The following LRP1B variants were observed in gnomAD, a reference collection of about 807,000 sequenced individuals.
LRP1B encodes the protein low-density lipoprotein receptor-related protein 1B.
Under a neutral mutation model 556.6 loss-of-function variants are expected in LRP1B, and 217 were observed. The observed-to-expected ratio is 0.39, with a 90% CI of 0.35 to 0.44. LRP1B has a LOEUF of 0.44. Among genes scored for constraint, LRP1B ranks in the 20% least tolerant of loss-of-function variants. LRP1B has a pLI of 1.00. For synonymous variants in LRP1B, 2,047 were observed against 1,865.8 expected (o/e 1.10, Z -2.50); for missense variants, 5,053 against 5,620.8 (o/e 0.90, Z 3.23).
chr2:141,178,793 C>A (rs6741156), intron 7 of LRP1B, among the ~76,000 whole-genome samples: 72,198 of 151,778 alleles, frequency 0.48, 18,630 homozygotes, highest in Middle Eastern at 0.64. Context: ...GCAGAGTATT[C>A]CAAGGCCCTA....
intron 43 of LRP1B, among the ~76,000 whole-genome samples, chr2:140,544,462 C>T (rs527490805): frequency 2.4e-4 from 36 of 152,134 alleles, no homozygotes; most frequent in African/African-American, 7.0e-4. Context: ...TCCTGATCCT[C>T]TCGCTCCTCT....
At chr2:141,777,048 G>A (rs1251548875) in intron 2 of LRP1B, among the ~76,000 whole-genome samples, 1 of 152,140 alleles carries the variant, frequency 6.6e-6, no homozygotes, top group Non-Finnish European at 1.5e-5. Flanking sequence ...TAACTTTTCT[G>A]ATAAATAAAG....
At chr2:141,454,566 T>C (rs1032869059) in intron 3 of LRP1B, among the ~76,000 whole-genome samples, 5 of 82,530 alleles carry the variant, frequency 6.1e-5, no homozygotes, top group Non-Finnish European at 1.2e-4. Flanking sequence ...ACCGAACAAA[T>C]GAAACATCAT....
intron 2 of LRP1B, among the ~76,000 whole-genome samples, chr2:141,588,248 T>A (rs1033063363): frequency 8.6e-5 from 13 of 151,938 alleles, no homozygotes; most frequent in Non-Finnish European, 1.8e-4. Flanking sequence ...CTGGCAGCTT[T>A]TTTTTTTATC....
chr2:140,872,428 G>T (rs573096241), intron 25 of LRP1B, among the ~76,000 whole-genome samples: 1 of 118,970 alleles, frequency 8.4e-6, no homozygotes, highest in Admixed American at 1.1e-4. Context: ...TCTTGGTTTT[G>T]TAAGGAAGAG....
intron 41 of LRP1B, among the ~76,000 whole-genome samples, chr2:140,639,492 C>T (rs1168511039): frequency 6.6e-6 from 1 of 152,184 alleles, no homozygotes; most frequent in Non-Finnish European, 1.5e-5. Flanking sequence ...ATTTGAATGT[C>T]ACTGACAGTT....
chr2:141,240,946 A>G (rs1034575570), intron 5 of LRP1B, among the ~76,000 whole-genome samples: 2 of 152,132 alleles, frequency 1.3e-5, no homozygotes, highest in African/African-American at 2.4e-5. Flanking sequence ...TCTGCTATCA[A>G]TCTTGCAACT....
intron 7 of LRP1B, among the ~76,000 whole-genome samples, chr2:141,164,460 T>C (rs1680165816): frequency 6.6e-6 from 1 of 152,112 alleles, no homozygotes; most frequent in Admixed American, 6.6e-5. Context: ...TGTTACTGTC[T>C]ATAATTCTCA....
At chr2:140,908,720 A>G (rs1694333538) in intron 21 of LRP1B, among the ~76,000 whole-genome samples, 1 of 152,152 alleles carries the variant, frequency 6.6e-6, no homozygotes, top group Non-Finnish European at 1.5e-5. Context: ...TTTCTAGAAG[A>G]AAAAAATAAT....
chr2:141,665,119 T>G (rs539088974), intron 2 of LRP1B, among the ~76,000 whole-genome samples: 2 of 152,242 alleles, frequency 1.3e-5, no homozygotes, highest in East Asian at 3.9e-4. Context: ...GATTCCCTAT[T>G]TAATAAATGG....
chr2:141,539,140 T>C (rs190941999), intron 2 of LRP1B, among the ~76,000 whole-genome samples: 2 of 152,192 alleles, frequency 1.3e-5, no homozygotes, highest in Non-Finnish European at 2.9e-5. Flanking sequence ...CATTCCTGAA[T>C]TGAACACAAA....
chr2:140,902,194 T>C (rs1694123952), intron 23 of LRP1B, among the ~76,000 whole-genome samples: 1 of 152,156 alleles, frequency 6.6e-6, no homozygotes, highest in Non-Finnish European at 1.5e-5. Context: ...CATAGACTTC[T>C]AAGTTTCCTG....
Position 140,700,467 on chromosome 2 carries a change from T to C in LRP1B, c.6582A>G (p.Arg2194=), listed in dbSNP as rs756752206. 1.7e-5 allele frequency: 27 copies of C among 1,613,422 alleles called. No homozygotes were observed. In the Admixed American group the frequency reaches 1.8e-4, roughly 11 times the overall value. The change falls in exon 41 of 91, where the codon AGA becomes AGG. Residue 2194 remains arginine, a synonymous_variant. Transcript: ENST00000389484. ...RHEGYLLYSG[R]TILKSIHLSD... ...AAAGATGTATACTTTTTAATATTGT[T>C]CTTCCTGAATACAGTAAATAGCCTT... is the stretch of plus-strand genomic sequence containing the variant.
At chr2:140,370,942 C>A (rs2105166013) in intron 70 of LRP1B, 100 bp from the exon 71 acceptor site, 1 of 1,261,070 alleles carries the variant, frequency 7.9e-7, no homozygotes. Flanking sequence ...CTTTATTATA[C>A]CATGGGCTTT....
intron 3 of LRP1B, among the ~76,000 whole-genome samples, chr2:141,414,205 C>T (rs1690984900): frequency 7.0e-6 from 1 of 143,434 alleles, no homozygotes; most frequent in Non-Finnish European, 1.5e-5. Context: ...CCACTGCACT[C>T]CAGCCTGGGC....
chr2:141,519,046 T>C (rs2105169342), intron 2 of LRP1B, among the ~76,000 whole-genome samples: 1 of 88,718 alleles, frequency 1.1e-5, no homozygotes, highest in East Asian at 3.3e-4. Context: ...AGAAAATCGC[T>C]TTAACTCTCC....
intron 6 of LRP1B, among the ~76,000 whole-genome samples, chr2:141,219,656 A>T: frequency 6.6e-6 from 1 of 152,152 alleles, no homozygotes; most frequent in East Asian, 1.9e-4. Flanking sequence ...AAGGGCCATG[A>T]GACACCTCAT....
chr2:141,431,008 G>T (rs1453929890), intron 3 of LRP1B, among the ~76,000 whole-genome samples: 2 of 151,864 alleles, frequency 1.3e-5, no homozygotes, highest in Non-Finnish European at 2.9e-5. Flanking sequence ...ATGGTGCCGT[G>T]TGCCTATAGT....
chr2:141,763,419 A>G (rs148842369), intron 2 of LRP1B, among the ~76,000 whole-genome samples: 2 of 152,326 alleles, frequency 1.3e-5, no homozygotes, highest in African/African-American at 4.8e-5. Flanking sequence ...TATAGATTAC[A>G]TTAAAAAGAA....
Sources: allele counts gnomAD v4.1 joint callset (sites outside exome capture counted in the v4.1 genomes callset), GRCh38; gene constraint gnomAD v4.1.1; transcripts MANE v1.5; gene names NCBI Gene and HGNC (gene_info 2026-07-23, HGNC 2026-07-21).